Variants in RAI1 observed in about 807,000 individuals in gnomAD.
The protein encoded by RAI1 is retinoic acid-induced protein 1.
A neutral mutation model predicts 123.8 loss-of-function variants in RAI1; 9 were observed. The ratio of observed to expected loss-of-function variants is 0.07; its 90% CI spans 0.04 to 0.13. RAI1 has a LOEUF of 0.13. Among genes scored for constraint, RAI1 ranks in the 10% least tolerant of loss-of-function variants. RAI1 has a pLI of 1.00. For missense variants in RAI1, 2,256 were observed against 2,545.8 expected, an observed-to-expected ratio of 0.89 and a Z score of 2.45; for synonymous variants, 1,231 against 1,127.3, an observed-to-expected ratio of 1.09 and a Z score of -1.84.
At chr17:17,757,547 A>T (rs1472386964) in intron 2 of RAI1, among the ~76,000 whole-genome samples, 4 of 151,938 alleles carry the variant, frequency 2.6e-5, no homozygotes, top group Non-Finnish European at 5.9e-5. Context: ...TTGGGACAGC[A>T]GGACCCCAGT....
At chr17:17,756,481 G>A (rs1400107845) in intron 2 of RAI1, among the ~76,000 whole-genome samples, 2 of 152,190 alleles carry the variant, frequency 1.3e-5, no homozygotes, top group African/African-American at 4.8e-5. Context: ...ACAGGTGTGA[G>A]CACTGCACCT....
In RAI1 at chr17:17,807,905, C is replaced by T. The variant is rs557828850; in HGVS notation, c.5660-1485C>T. 7.9e-5 allele frequency among the ~76,000 whole-genome samples: 12 copies of T among 152,350 alleles called. No homozygotes were observed. The South Asian group carries it at 1.7e-3, about 21-fold the overall frequency. ...TGAATGGCAGTTTCCAGGTCCGTGG[C>T]ACTCCAGCTTCTGGAGACAAGGGCA... On this transcript the variant is annotated intron_variant, in intron 4 of 5. Transcript: ENST00000353383.
chr17:17,805,311 T>C (rs544474620), intron 4 of RAI1, among the ~76,000 whole-genome samples: 1 of 152,244 alleles, frequency 6.6e-6, no homozygotes, highest in South Asian at 2.1e-4. Context: ...CACACGGTGC[T>C]GCCTCAGTCC....
At position 17,809,478 on chromosome 17, in the gene RAI1, A is replaced by G; in HGVS notation, c.5709+39A>G. 1 of 1,551,392 alleles carries G rather than the reference A, an allele frequency of 6.4e-7. No homozygotes were observed. The highest frequency in any genetic ancestry group is 1.7e-5 in the Admixed American group (1 of 59,944). On this transcript the variant is annotated intron_variant, in intron 5 of 5. Transcript: ENST00000353383. This position sits in a 1 kb window ranked among gnomAD's most constrained non-coding sequence, Gnocchi z 4.9. ...GTGTTTTGTAGGGCGAGGGGTGTCA[A>G]GCGGGAGAGGAGCCCCACCTCGCAC...
At chr17:17,729,388 G>C in intron 2 of RAI1, among the ~76,000 whole-genome samples, 1 of 152,194 alleles carries the variant, frequency 6.6e-6, no homozygotes, top group Non-Finnish European at 1.5e-5. Flanking sequence ...GCAGATCTCA[G>C]CATTTGTGGG....
At chr17:17,706,296 G>A (rs1054355964) in intron 1 of RAI1, among the ~76,000 whole-genome samples, 1 of 152,164 alleles carries the variant, frequency 6.6e-6, no homozygotes, top group African/African-American at 2.4e-5. Flanking sequence ...GTTGGGTCCG[G>A]CCAGCAGGGA....
intron 1 of RAI1, among the ~76,000 whole-genome samples, chr17:17,706,014 C>G (rs1361232823): frequency 7.7e-6 from 1 of 129,590 alleles, no homozygotes; most frequent in Non-Finnish European, 1.6e-5. Flanking sequence ...CAGAGCGAGA[C>G]TCTGTCTCAA....
rs1915659930 is a variant in RAI1, at chr17:17,714,688, C to T, written c.-148-9340C>T. Among the ~76,000 whole-genome samples the T allele has an allele frequency of 6.6e-6, 1 of 152,080 alleles. No individual in the cohort carries two copies. The highest frequency in any genetic ancestry group is 1.5e-5 in the Non-Finnish European group (1 of 68,018). On this transcript the variant is annotated intron_variant, in intron 1 of 5. Transcript: ENST00000353383. This position sits in a 1 kb window ranked among gnomAD's most constrained non-coding sequence, Gnocchi z 4.9. Reference sequence around the variant, plus strand: ...CACACATTGTGGGAGTGCTGTGGGTCGAATAAGGAAGCTGAGCAGCAGGCA... The same window carrying T: ...CACACATTGTGGGAGTGCTGTGGGTTGAATAAGGAAGCTGAGCAGCAGGCA...
At chr17:17,744,510 C>T (rs1252647091) in intron 2 of RAI1, among the ~76,000 whole-genome samples, 2 of 152,014 alleles carry the variant, frequency 1.3e-5, no homozygotes, top group African/African-American at 2.4e-5. Flanking sequence ...AAGGGAAGGC[C>T]GGGCACGGTG....
At chr17:17,725,128 A>G (rs1434349886) in intron 2 of RAI1, among the ~76,000 whole-genome samples, 4 of 23,792 alleles carry the variant, frequency 1.7e-4, no homozygotes, top group African/African-American at 3.6e-4. Context: ...CGGGGCAGGG[A>G]GGGGGCTGGG....
intron 2 of RAI1, among the ~76,000 whole-genome samples, chr17:17,724,806 A>C (rs1598036722): frequency 6.6e-6 from 1 of 150,576 alleles, no homozygotes. Flanking sequence ...CGCTCTCCCC[A>C]CCCCCGCCTT....
intron 1 of RAI1, among the ~76,000 whole-genome samples, chr17:17,723,205 G>A (rs1467935012): frequency 6.6e-6 from 1 of 151,638 alleles, no homozygotes; most frequent in South Asian, 2.1e-4. Context: ...GCACACAGGC[G>A]CAATCCCACC....
Position 17,795,270 on chromosome 17 carries a change from G to C in RAI1, c.2322G>C (p.Lys774Asn). The C allele has an allele frequency of 6.2e-7, 1 of 1,613,708 alleles. No individual in the cohort carries two copies. Among genetic ancestry groups the C allele is most frequent in the Non-Finnish European group, 8.5e-7 (1 of 1,179,782 alleles). The change falls in exon 3 of 6, where the codon AAG becomes AAC. Residue 774 changes from lysine to asparagine, a missense_variant. Physicochemically the swap from Lys to Asn is moderately conservative, Grantham distance 94. Coordinates refer to ENST00000353383, the MANE Select transcript of RAI1 (RefSeq NM_030665.4). The surrounding 1 kb of genome is among the most constrained non-coding windows in gnomAD (Gnocchi z 5.9). ...ELTKGLEQGG[K>N]ASDGISKGDT... ...CCAAGGGCCTGGAGCAGGGTGGGAA[G>C]GCCTCAGATGGCATCAGCAAAGGGG...
intron 2 of RAI1, among the ~76,000 whole-genome samples, chr17:17,731,146 G>A (rs1431350915): frequency 6.6e-6 from 1 of 152,214 alleles, no homozygotes; most frequent in Non-Finnish European, 1.5e-5. Flanking sequence ...ACACACATAG[G>A]GTGTCGGGAC....
chr17:17,807,266 T>A (rs540278328), intron 4 of RAI1, among the ~76,000 whole-genome samples: 1 of 63,566 alleles, frequency 1.6e-5, no homozygotes, highest in Non-Finnish European at 3.3e-5. Context: ...GGCGGGGGGG[T>A]GGGAGTGAGA....
intron 2 of RAI1, among the ~76,000 whole-genome samples, chr17:17,738,361 G>A (rs1388961205): frequency 6.9e-6 from 1 of 145,366 alleles, no homozygotes; most frequent in Non-Finnish European, 1.5e-5. Flanking sequence ...CCCAGTTCCT[G>A]GTTCAGGGCT....
intron 2 of RAI1, among the ~76,000 whole-genome samples, chr17:17,792,335 G>A (rs902100105): frequency 6.6e-5 from 10 of 151,948 alleles, no homozygotes; most frequent in East Asian, 1.9e-4. Context: ...GTGTGTGCGC[G>A]CGTGTGTGTG....
rs1426033219 is a variant in RAI1 at position 17,798,345 on chromosome 17, C to T, written c.5397C>T (p.Ala1799=). 6.9e-6 allele frequency: 11 copies of T among 1,603,038 alleles called. No homozygotes were observed. The highest frequency in any genetic ancestry group is 9.4e-6 in the Non-Finnish European group (11 of 1,174,674). ...ATGGGGGCGAGGAGGCAGCCCCAGC[C>T]GACAAGGGTCGCAAACATGAGTGCA... ...REDGGEEAAP[A]DKGRKHECSK... Residue 1799 remains alanine, a synonymous_variant, in exon 3 of 6, where the codon GCC becomes GCT. Transcript: ENST00000353383.
Position 17,745,927 on chromosome 17 carries a change from G to A in RAI1, c.-17+21768G>A, listed in dbSNP as rs974669642. On this transcript the variant is annotated intron_variant, in intron 2 of 5. Coordinates refer to ENST00000353383, the MANE Select transcript of RAI1 (RefSeq NM_030665.4). ...GTGGGTGCTGCCCTGGGCCATGATTGGGCATGAGTGGGGAGCCGAGCCATA... is the reference window on the plus strand; with the variant it reads ...GTGGGTGCTGCCCTGGGCCATGATTAGGCATGAGTGGGGAGCCGAGCCATA... Among the ~76,000 whole-genome samples the A allele has an allele frequency of 3.1e-4, 47 of 152,294 alleles. 1 individual carries two copies. The highest frequency in any genetic ancestry group is 5.4e-4 in the Non-Finnish European group (37 of 68,012).
Sources: gnomAD v4.1 joint callset for allele counts (sites outside exome capture counted in the v4.1 genomes callset) on GRCh38, gnomAD v4.1.1 for gene constraint, Gnocchi (gnomAD v3.1) non-coding constraint, MANE v1.5 for transcripts, NCBI Gene and HGNC (gene_info 2026-07-23, HGNC 2026-07-21) for gene names.